Variants in SIK3 observed in about 807,000 individuals in gnomAD.
SIK3 encodes the protein serine/threonine-protein kinase SIK3.
A neutral mutation model predicts 144.2 loss-of-function variants in SIK3; 28 were observed. The observed-to-expected ratio is 0.19, with a 90% confidence interval of 0.14 to 0.27. The LOEUF (loss-of-function observed/expected upper bound fraction) is 0.27. Among genes scored for constraint, SIK3 ranks in the 10% least tolerant of loss-of-function variants. The pLI is 1.00. For missense variants in SIK3, 1,319 were observed against 1,776.0 expected, an observed-to-expected ratio of 0.74 and a Z score of 4.62; for synonymous variants, 686 against 676.3, an observed-to-expected ratio of 1.01 and a Z score of -0.22.
At chr11:117,092,845 A>G (rs1201513463) in intron 1 of SIK3, among the ~76,000 whole-genome samples, 1 of 152,222 alleles carries the variant, frequency 6.6e-6, no homozygotes, top group Non-Finnish European at 1.5e-5. Flanking sequence ...CTGAAAAATG[A>G]AAACAGCACT....
At chr11:117,001,229 G>A (rs1030291788) in intron 1 of SIK3, among the ~76,000 whole-genome samples, 1 of 152,234 alleles carries the variant, frequency 6.6e-6, no homozygotes, top group Non-Finnish European at 1.5e-5. Flanking sequence ...TCTGAGGCCA[G>A]GTGCAGTGGC....
chr11:117,005,842 A>G (rs180849064), intron 1 of SIK3, among the ~76,000 whole-genome samples: 20 of 152,322 alleles, frequency 1.3e-4, no homozygotes, highest in Admixed American at 1.2e-3. Context: ...TAAACACTCC[A>G]TTCAAGCAAA....
At chr11:116,984,700 C>T (rs2135530326) in intron 1 of SIK3, among the ~76,000 whole-genome samples, 1 of 147,062 alleles carries the variant, frequency 6.8e-6, no homozygotes, top group East Asian at 2.0e-4. Context: ...GCAACACACA[C>T]ACACACCACA....
rs546524174 is a variant in SIK3 at position 116,973,619 on chromosome 11, C to T, written c.274-16555G>A. Among the ~76,000 whole-genome samples, 9 of 152,254 alleles carry T rather than the reference C, an allele frequency of 5.9e-5. No homozygotes were observed. The South Asian group carries it at 1.7e-3, about 28-fold the overall frequency. On this transcript the variant is annotated intron_variant, in intron 1 of 24. Coordinates refer to ENST00000445177, the MANE Select transcript of SIK3 (RefSeq NM_001366686.3). ...TTATGAAAGGGGGGGAAAGAAAGAA[C>T]TTTACAGTGGAAAAACTTGACAAAC... is the stretch of plus-strand genomic sequence containing the variant.
chr11:117,050,164 C>T (rs1196024762), intron 1 of SIK3, among the ~76,000 whole-genome samples: 4 of 151,830 alleles, frequency 2.6e-5, no homozygotes, highest in Non-Finnish European at 5.9e-5. Context: ...TAGCAGGCAC[C>T]TATAATCCCA....
At chr11:116,995,259 T>G (rs1464394648) in intron 1 of SIK3, among the ~76,000 whole-genome samples, 1 of 107,916 alleles carries the variant, frequency 9.3e-6, no homozygotes, top group Non-Finnish European at 1.8e-5. Flanking sequence ...AGAGCAAGAC[T>G]CCGTCTCAAA....
chr11:116,908,488 C>G (rs1014272818), intron 4 of SIK3, among the ~76,000 whole-genome samples: 8 of 151,706 alleles, frequency 5.3e-5, no homozygotes, highest in African/African-American at 7.3e-5. Flanking sequence ...CAACAACCAA[C>G]CAACCAATCA....
rs765578273 is a variant in SIK3, at chr11:116,859,310, C to T, written c.2720G>A (p.Arg907His). 16 of 1,613,118 alleles carry T rather than the reference C, an allele frequency of 9.9e-6. No individual in the cohort carries two copies. The highest frequency in any genetic ancestry group is 5.5e-5 in the South Asian group (5 of 91,060). The change falls in exon 20 of 25, where the codon CGT (arginine) becomes CAT (histidine). Residue 907 changes from arginine to histidine, a missense_variant. Arg to His is a conservative substitution (Grantham distance 29). Around this residue, in one of 8 missense-constraint regions of SIK3, gnomAD observed 646 missense variants for 763.7 expected, o/e 0.85. Coordinates refer to ENST00000445177, the MANE Select transcript of SIK3 (RefSeq NM_001366686.3). ...AGCACTCAGCTGCTTGGACAAGGGA[C>T]GGTGCCCATAGCTGAGGGTGGCCAT... is the stretch of plus-strand genomic sequence containing the variant. Reference protein sequence around the residue: ...NLMATLSYGHRPLSKQLSADS... With the variant: ...NLMATLSYGHHPLSKQLSADS...
At chr11:117,089,176 C>T (rs1247086996) in intron 1 of SIK3, among the ~76,000 whole-genome samples, 1 of 151,832 alleles carries the variant, frequency 6.6e-6, no homozygotes, top group South Asian at 2.1e-4. Context: ...GAGGCTGAGG[C>T]GGGCAGATCA....
chr11:116,867,974 G>A lies in SIK3; in HGVS notation c.1924C>T (p.Pro642Ser), dbSNP rs1943742753. The A allele has an allele frequency of 6.5e-7, 1 of 1,549,158 alleles. No individual in the cohort carries two copies. Among genetic ancestry groups the A allele is most frequent in the Admixed American group, 2.0e-5 (1 of 50,864 alleles). The change falls in exon 15 of 25, where the codon CCT becomes TCT. Residue 642 changes from proline (P) to serine (S), a missense_variant. This residue lies in a region of SIK3 where 47 missense variants were observed against 40.2 expected (regional missense o/e 1.17). Transcript: ENST00000445177. This position sits in a 1 kb window ranked among gnomAD's most constrained non-coding sequence, Gnocchi z 4.1. ...TGCTGATCAGGTACCAGGTGAGGAG[G>A]CCAGACCCGGGAACGGAAAGGCTGC... The part of the protein sequence containing the change: ...GQQPFRSRVW[P>S]PHLVPDQHRS...
At chr11:117,028,355 G>A (rs145368142) in intron 1 of SIK3, among the ~76,000 whole-genome samples, 1 of 152,050 alleles carries the variant, frequency 6.6e-6, no homozygotes, top group Admixed American at 6.6e-5. Context: ...CTAATCTCAA[G>A]CCCTCAGGAA....
intron 1 of SIK3, among the ~76,000 whole-genome samples, chr11:117,021,884 G>A (rs1334093697): frequency 3.4e-5 from 4 of 117,172 alleles, no homozygotes; most frequent in African/African-American, 9.5e-5. Flanking sequence ...TTCAGCCAAC[G>A]TGTTTGAGAC....
intron 6 of SIK3, among the ~76,000 whole-genome samples, chr11:116,890,554 G>A (rs936033505): frequency 5.9e-5 from 9 of 152,186 alleles, no homozygotes; most frequent in South Asian, 2.1e-4. Context: ...GACATGTTTC[G>A]TCTGTACTTT....
intron 1 of SIK3, among the ~76,000 whole-genome samples, chr11:117,011,157 A>C (rs1385483862): frequency 1.3e-5 from 2 of 152,172 alleles, no homozygotes; most frequent in East Asian, 3.8e-4. Context: ...TCCTGAAAAA[A>C]GGAAATTATA....
In SIK3 at chr11:116,982,969, ATT is replaced by A. The variant is rs869291065; in HGVS notation, c.274-25907_274-25906del. 2.0e-4 allele frequency among the ~76,000 whole-genome samples: 29 copies of A among 142,292 alleles called. 6 individuals carry two copies. Among genetic ancestry groups the A allele is most frequent in the Non-Finnish European group, 3.8e-4 (25 of 65,972 alleles). 93.3% of individuals were successfully genotyped at this position (142,292 alleles called of 152,430 possible). On this transcript the variant is annotated intron_variant, in intron 1 of 24. Transcript: ENST00000445177. ...AAAAAAAAAAAAAAAAAAAAAAAAA[ATT>A]TCTGACCCGAGGGGATTTCTCTGAA...
At chr11:116,875,345 G>C (rs1477232691) in intron 10 of SIK3, 29 bp downstream of exon 10, 3 of 1,613,770 alleles carry the variant, frequency 1.9e-6, no homozygotes, top group East Asian at 2.2e-5. Flanking sequence ...AGTGGTTTCA[G>C]CTGACAGCTC....
chr11:117,019,278 C>G (rs761860258), intron 1 of SIK3, among the ~76,000 whole-genome samples: 7 of 152,076 alleles, frequency 4.6e-5, no homozygotes, highest in Non-Finnish European at 1.0e-4. Context: ...CCTCAGCCTC[C>G]CAAAGTGCCA....
chr11:116,883,942 A>G (rs988825240), intron 6 of SIK3, among the ~76,000 whole-genome samples: 8 of 152,274 alleles, frequency 5.3e-5, no homozygotes, highest in Non-Finnish European at 1.0e-4. Flanking sequence ...TTAAAAAAAA[A>G]AAATGACATT....
At chr11:116,921,912 G>C (rs887677460) in intron 4 of SIK3, among the ~76,000 whole-genome samples, 1 of 150,210 alleles carries the variant, frequency 6.7e-6, no homozygotes, top group Middle Eastern at 3.5e-3. Flanking sequence ...ATAAACAGTG[G>C]AACAATGGTT....
Sources: gnomAD v4.1 joint callset for allele counts (sites outside exome capture counted in the v4.1 genomes callset) on GRCh38, gnomAD v4.1.1 for gene constraint, gnomAD v4.1.1 regional missense constraint, Gnocchi (gnomAD v3.1) non-coding constraint, MANE v1.5 for transcripts, NCBI Gene and HGNC (gene_info 2026-07-23, HGNC 2026-07-21) for gene names.